Variants in WDR4 observed in about 807,000 individuals in gnomAD.
The protein encoded by WDR4 is tRNA (guanine-N(7)-)-methyltransferase non-catalytic subunit WDR4.
A neutral mutation model predicts 48.6 loss-of-function variants in WDR4; 47 were observed. The ratio of observed to expected loss-of-function variants is 0.97; its 90% CI spans 0.77 to 1.23. WDR4 has a LOEUF of 1.23. Ranked by LOEUF, WDR4 falls within the 50% of genes most tolerant of loss-of-function variation. WDR4 has a pLI of 0.00. For missense variants in WDR4, 606 were observed against 551.6 expected (o/e 1.10, Z -0.99); for synonymous variants, 268 against 230.0 (o/e 1.17, Z -1.49).
chr21:42,860,427 A>C (rs1456439428), intron 5 of WDR4, among the ~76,000 whole-genome samples: 1 of 152,226 alleles, frequency 6.6e-6, no homozygotes, highest in African/African-American at 2.4e-5. Context: ...GGGCACCTAC[A>C]AGGGTGACAA....
chr21:42,890,604 T>G, the WDR4 span, among the ~76,000 whole-genome samples: 1 of 152,190 alleles, frequency 6.6e-6, no homozygotes, highest in Non-Finnish European at 1.5e-5. Flanking sequence ...GGTAGAACTT[T>G]GTGTGATCTA....
chr21:42,891,946 G>C, the WDR4 span, among the ~76,000 whole-genome samples: 2 of 150,222 alleles, frequency 1.3e-5, no homozygotes, highest in African/African-American at 2.5e-5. Flanking sequence ...AACAGAGCAA[G>C]ACTCTGTCTC....
chr21:42,867,174 T>A (rs1238713722), intron 3 of WDR4, among the ~76,000 whole-genome samples: 3 of 152,174 alleles, frequency 2.0e-5, no homozygotes, highest in Non-Finnish European at 4.4e-5. Flanking sequence ...GCAGATCACC[T>A]GAGGTCAGGA....
intron 8 of WDR4, among the ~76,000 whole-genome samples, chr21:42,854,164 G>A (rs2057921406): frequency 6.6e-6 from 1 of 152,212 alleles, no homozygotes; most frequent in African/African-American, 2.4e-5. Context: ...AGTCACTCGG[G>A]AAGAAGCAGC....
chr21:42,877,505 CTG>C (rs1210943649), intron 1 of WDR4, among the ~76,000 whole-genome samples: 1 of 149,040 alleles, frequency 6.7e-6, no homozygotes, highest in Non-Finnish European at 1.5e-5. Flanking sequence ...TTTTTTTTCT[CTG>C]TGGAACAAAA....
chr21:42,874,657 G>A (rs746852473), intron 2 of WDR4, among the ~76,000 whole-genome samples: 1 of 152,032 alleles, frequency 6.6e-6, no homozygotes, highest in Admixed American at 6.6e-5. Flanking sequence ...GGTCGAGACT[G>A]TAGGGATGAA....
At chr21:42,886,276 T>C in the WDR4 span, among the ~76,000 whole-genome samples, 2 of 152,116 alleles carry the variant, frequency 1.3e-5, no homozygotes, top group African/African-American at 4.8e-5. Context: ...TTTAAGAACA[T>C]TCACGTTTAC....
At chr21:42,870,881 A>G (rs946797719) in intron 3 of WDR4, among the ~76,000 whole-genome samples, 4 of 152,228 alleles carry the variant, frequency 2.6e-5, no homozygotes, top group African/African-American at 7.2e-5. Context: ...TCTCATGTGA[A>G]TTATGAAAGC....
At position 42,879,023 on chromosome 21, in the gene WDR4, T is replaced by A. The variant is rs2058566587; in HGVS notation, c.89+384A>T. On this transcript the variant is annotated intron_variant, in intron 1 of 10. Coordinates refer to ENST00000398208, the MANE Select transcript of WDR4 (RefSeq NM_018669.6). The stretch of plus-strand genomic sequence containing the variant: ...GACCCGAGACCCGCTTCTTCCCAGT[T>A]CTGCAGAGCGTGTTCGGCCGGGCCT... The A allele has an allele frequency of 3.9e-6, 4 of 1,038,464 alleles. No individual in the cohort carries two copies. The East Asian group carries it at 3.2e-4, about 82-fold the overall frequency. The allele number at this position is 1,038,464 out of a possible 1,614,324, so 64.3% of individuals were successfully genotyped here.
At chr21:42,882,571 G>GA (rs373899126), upstream of WDR4, among the ~76,000 whole-genome samples, 9 of 146,630 alleles carry the variant, frequency 6.1e-5, no homozygotes, top group Admixed American at 2.0e-4. Context: ...TCAGAAAAAA[G>GA]AAAAAAAAAA....
At chr21:42,863,299 C>T (rs1433799373) in intron 4 of WDR4, 141 bp downstream of exon 4, 25 of 1,035,032 alleles carry the variant, frequency 2.4e-5, no homozygotes, top group East Asian at 2.3e-4. Flanking sequence ...ATGTCCCCCA[C>T]GTACTGCGTC....
chr21:42,879,143 A>G (rs2058570131), intron 1 of WDR4: 1 of 1,250,334 alleles, frequency 8.0e-7, no homozygotes, highest in Non-Finnish European at 1.0e-6. Context: ...TAACCGGGCA[A>G]GAACACCGCA....
the WDR4 span, among the ~76,000 whole-genome samples, chr21:42,890,960 A>G: frequency 0.038 from 5,710 of 152,184 alleles, 348 homozygotes; most frequent in African/African-American, 0.13. Context: ...TGCTCCCTCT[A>G]GTCTTAGGCA....
intron 3 of WDR4, among the ~76,000 whole-genome samples, chr21:42,867,918 T>G (rs1280893930): frequency 6.6e-6 from 1 of 151,858 alleles, no homozygotes; most frequent in Non-Finnish European, 1.5e-5. Context: ...CACACAACCT[T>G]CAAAAGACGA....
rs747772807 is a variant in WDR4, at chr21:42,854,609, C to G, written c.744G>C (p.Arg248Ser). The change falls in exon 8 of 11, where the codon AGG becomes AGC. Residue 248 changes from arginine (R) to serine (S), a missense_variant. Arg to Ser is a moderately radical substitution (Grantham distance 110, BLOSUM62 -1). Transcript: ENST00000398208. The part of the protein sequence containing the change: ...PQAPQKFAAS[R>S]IAFWCQENCV... ...AGTTCTCCTGGCACCAGAATGCAATCCTGGACGCGGCAAACTTCTAAAAGG... is the reference window on the plus strand; with the variant it reads ...AGTTCTCCTGGCACCAGAATGCAATGCTGGACGCGGCAAACTTCTAAAAGG... The G allele has an allele frequency of 2.4e-5, 39 of 1,613,834 alleles. No individual in the cohort carries two copies. In the South Asian group the frequency reaches 4.2e-4, roughly 17 times the overall value.
intron 10 of WDR4, among the ~76,000 whole-genome samples, chr21:42,851,312 C>G (rs2057821768): frequency 6.6e-6 from 1 of 152,226 alleles, no homozygotes; most frequent in Non-Finnish European, 1.5e-5. Context: ...GGGGGCCCAA[C>G]CCTGCCCGTC....
rs1426812358 is a variant in WDR4, at chr21:42,850,156, T to C, written c.1132A>G (p.Arg378Gly). Residue 378 changes from arginine (R) to glycine (G), a missense_variant, in exon 11 of 11, where the codon AGA becomes GGA. Coordinates refer to ENST00000398208, the MANE Select transcript of WDR4 (RefSeq NM_018669.6). ...VTSYLKKKEE[R>G]LQQQLEKKQR... ...TTCTTCTCTAGCTGCTGCTGCAGTC[T>C]CTCCTCTTTCTTCTTCAGGTAGGAG... 1 of 1,614,100 alleles carries C rather than the reference T, an allele frequency of 6.2e-7. No homozygotes were observed. The highest frequency in any genetic ancestry group is 1.3e-5 in the African/African-American group (1 of 75,064).
At chr21:42,874,018 A>T (rs1471091524) in intron 2 of WDR4, among the ~76,000 whole-genome samples, 1 of 152,158 alleles carries the variant, frequency 6.6e-6, no homozygotes, top group Non-Finnish European at 1.5e-5. Flanking sequence ...AACTCACATT[A>T]ACAATACTAA....
At chr21:42,850,786 G>A (rs538965177) in intron 10 of WDR4, among the ~76,000 whole-genome samples, 3 of 152,182 alleles carry the variant, frequency 2.0e-5, no homozygotes, top group Non-Finnish European at 4.4e-5. Flanking sequence ...ATCGAGTGTG[G>A]GATAGCATGT....
Sources: allele counts gnomAD v4.1 joint callset (sites outside exome capture counted in the v4.1 genomes callset), GRCh38; gene constraint gnomAD v4.1.1; transcripts MANE v1.5; gene names NCBI Gene and HGNC (gene_info 2026-07-23, HGNC 2026-07-21).